Variants in LRRC37A2 observed in about 807,000 individuals in gnomAD.
LRRC37A2 encodes leucine rich repeat containing 37 member A2.
Under a neutral mutation model 68.8 loss-of-function variants are expected in LRRC37A2, and 9 were observed. The ratio of observed to expected loss-of-function variants is 0.13; its 90% CI spans 0.08 to 0.23. The LOEUF (loss-of-function observed/expected upper bound fraction) is 0.23, where lower values mean the gene tolerates loss of function less well. Among genes scored for constraint, LRRC37A2 ranks in the 10% least tolerant of loss-of-function variants. The pLI is 1.00. For missense variants in LRRC37A2, 168 were observed against 950.4 expected (o/e 0.18, Z 10.82); for synonymous variants, 63 against 367.6 (o/e 0.17, Z 9.48).
At chr17:46,770,341 C>G in the LRRC37A2 span, among the ~76,000 whole-genome samples, 117,421 of 152,184 alleles carry the variant, frequency 0.77, 45,979 homozygotes, top group South Asian at 0.83. Flanking sequence ...CGACACCAAA[C>G]CTCTGGCAGG....
At chr17:46,389,257 A>C in the LRRC37A2 span, among the ~76,000 whole-genome samples, 49 of 150,676 alleles carry the variant, frequency 3.3e-4, 3 homozygotes. Flanking sequence ...CACAAAATCC[A>C]GCTATAATTT....
the LRRC37A2 span, among the ~76,000 whole-genome samples, chr17:46,497,072 A>C: frequency 1.5e-5 from 2 of 131,500 alleles, no homozygotes; most frequent in Non-Finnish European, 3.1e-5. Flanking sequence ...TTAATTTGTA[A>C]AAATAGAGAT....
At chr17:46,741,431 C>T in the LRRC37A2 span, among the ~76,000 whole-genome samples, 1 of 152,120 alleles carries the variant, frequency 6.6e-6, no homozygotes, top group Non-Finnish European at 1.5e-5. Context: ...GTCTTCTGTC[C>T]TGCTTGCAGC....
At chr17:46,923,350 A>T in the LRRC37A2 span, 1 of 1,518,174 alleles carries the variant, frequency 6.6e-7, no homozygotes, top group Non-Finnish European at 8.8e-7. Context: ...ACTGCTGGGG[A>T]TGCCTCCGAA....
At chr17:46,742,070 C>CA in the LRRC37A2 span, among the ~76,000 whole-genome samples, 2 of 152,222 alleles carry the variant, frequency 1.3e-5, no homozygotes, top group Admixed American at 6.5e-5. Flanking sequence ...CTTGTTATCT[C>CA]ACTAGCTTAG....
At chr17:46,777,419 G>T in the LRRC37A2 span, among the ~76,000 whole-genome samples, 1 of 152,318 alleles carries the variant, frequency 6.6e-6, no homozygotes, top group Admixed American at 6.5e-5. Context: ...CAGGGTCCCA[G>T]GTGGGTCTTC....
At chr17:46,775,243 C>G in the LRRC37A2 span, among the ~76,000 whole-genome samples, 1 of 152,344 alleles carries the variant, frequency 6.6e-6, no homozygotes, top group East Asian at 1.9e-4. Flanking sequence ...GACTAGGAAA[C>G]TGAGGTTTAG....
chr17:46,516,280 G>A (rs1280073903), intron 2 of LRRC37A2, among the ~76,000 whole-genome samples: 4 of 120,616 alleles, frequency 3.3e-5, no homozygotes, highest in African/African-American at 8.7e-5. Context: ...TCCAGCCTGG[G>A]CGACAGAGCA....
At chr17:46,684,711 A>T in the LRRC37A2 span, among the ~76,000 whole-genome samples, 1 of 148,648 alleles carries the variant, frequency 6.7e-6, no homozygotes. Context: ...GCAGAAAATT[A>T]TACAAAAATT....
the LRRC37A2 span, among the ~76,000 whole-genome samples, chr17:46,500,840 C>T: frequency 6.6e-6 from 1 of 150,970 alleles, no homozygotes; most frequent in Non-Finnish European, 1.5e-5. Flanking sequence ...GGAAGTGTTT[C>T]TCAAAGTATG....
At chr17:46,814,504 C>T in the LRRC37A2 span, among the ~76,000 whole-genome samples, 6 of 152,096 alleles carry the variant, frequency 3.9e-5, no homozygotes, top group African/African-American at 1.4e-4. Context: ...CCGCCATATC[C>T]CCCCCAGGGA....
At chr17:46,839,027 G>A in the LRRC37A2 span, among the ~76,000 whole-genome samples, 46 of 152,140 alleles carry the variant, frequency 3.0e-4, no homozygotes, top group Admixed American at 5.9e-4. Context: ...ACAGGCGCCC[G>A]CCACCATGCC....
At chr17:46,880,727 T>C in the LRRC37A2 span, among the ~76,000 whole-genome samples, 928 of 152,292 alleles carry the variant, frequency 6.1e-3, 3 homozygotes, top group Non-Finnish European at 9.7e-3. Context: ...TGGGATTTTT[T>C]TCCTCTGTAC....
the LRRC37A2 span, among the ~76,000 whole-genome samples, chr17:46,798,771 T>C: frequency 5.5e-4 from 83 of 152,214 alleles, no homozygotes; most frequent in African/African-American, 1.9e-3. Flanking sequence ...CCTGATAGGC[T>C]GGGCGCAGTG....
the LRRC37A2 span, chr17:46,910,023 A>G: frequency 1.3e-5 from 2 of 151,594 alleles, no homozygotes; most frequent in African/African-American, 4.9e-5. Context: ...TGCAGGGCTC[A>G]CTTGCTGCTG....
At chr17:46,783,076 TAGTTCATTCTCTCAAC>T in the LRRC37A2 span, among the ~76,000 whole-genome samples, 2 of 152,142 alleles carry the variant, frequency 1.3e-5, no homozygotes, top group African/African-American at 4.8e-5. Flanking sequence ...TCAACGGGGC[TAGTTCATTCTCTCAAC>T]GGGGCCCTCT....
the LRRC37A2 span, among the ~76,000 whole-genome samples, chr17:46,497,646 G>T: frequency 1.6e-3 from 242 of 150,330 alleles, 17 homozygotes; most frequent in African/African-American, 5.3e-3. Flanking sequence ...AATGTATGTA[G>T]ATATGTATCT....
the LRRC37A2 span, among the ~76,000 whole-genome samples, chr17:46,477,500 G>A: frequency 4.1e-5 from 2 of 48,912 alleles, no homozygotes; most frequent in Admixed American, 3.9e-4. Context: ...CTGAGATTGC[G>A]CCACTGCACT....
At chr17:46,916,250 G>A in the LRRC37A2 span, among the ~76,000 whole-genome samples, 1 of 152,190 alleles carries the variant, frequency 6.6e-6, no homozygotes, top group Non-Finnish European at 1.5e-5. Context: ...TCAATATAGT[G>A]ATCTCATGAG....
Sources: gnomAD v4.1 joint callset for allele counts (sites outside exome capture counted in the v4.1 genomes callset) on GRCh38, gnomAD v4.1.1 for gene constraint, MANE v1.5 for transcripts, NCBI Gene and HGNC (gene_info 2026-07-23, HGNC 2026-07-21) for gene names.